Variants in SIX1 observed in about 807,000 individuals in gnomAD.
The protein encoded by SIX1 is homeobox protein SIX1.
A neutral mutation model predicts 26.5 loss-of-function variants in SIX1; 11 were observed. The observed-to-expected ratio is 0.41, with a 90% CI of 0.26 to 0.69. The LOEUF (loss-of-function observed/expected upper bound fraction) is 0.69. SIX1 is among the 30% of genes least tolerant of loss of function. SIX1 has a pLI of 0.28. For synonymous variants in SIX1, 177 were observed against 166.2 expected, an observed-to-expected ratio of 1.06 and a Z score of -0.50; for missense variants, 333 against 365.9, an observed-to-expected ratio of 0.91 and a Z score of 0.73.
At position 60,644,192 on chromosome 14, in the gene SIX1, G is replaced by A. The variant is rs939906836; in HGVS notation, c.*2091C>T. 3 of 152,218 alleles carry A rather than the reference G, an allele frequency of 2.0e-5. No individual in the cohort carries two copies. The highest frequency in any genetic ancestry group is 7.2e-5 in the African/African-American group (3 of 41,440). 9.4% of individuals were successfully genotyped at this position (152,218 alleles called of 1,614,324 possible). A position where few individuals can be genotyped will look rare whatever the true frequency, so the allele number is the denominator to read the frequency against. On this transcript the variant is annotated 3_prime_UTR_variant, in exon 2 of 2. Coordinates refer to ENST00000645694, the MANE Select transcript of SIX1 (RefSeq NM_005982.4). The stretch of plus-strand genomic sequence containing the variant: ...ATCTTTGTGCAGGGTGTTTGTTTTG[G>A]GGAGTGAATGTGAAGAATGTGAGGA...
rs1236554413 is a variant in SIX1 at position 60,649,464 on chromosome 14, T to C, written c.-275A>G. On this transcript the variant is annotated 5_prime_UTR_variant, in exon 1 of 2. Transcript: ENST00000645694. This position sits in a 1 kb window ranked among gnomAD's most constrained non-coding sequence, Gnocchi z 5.1. ...CCTCCCGCCCGGTGGATGCTGCTAG[T>C]TGCCGGGGAACTTGGTTTCTGTTCT... 2 of 395,676 alleles carry C rather than the reference T, an allele frequency of 5.1e-6. No individual in the cohort carries two copies. Among genetic ancestry groups the C allele is most frequent in the African/African-American group, 4.2e-5 (2 of 47,246 alleles). The allele number at this position is 395,676 out of a possible 1,614,324, so 24.5% of individuals were successfully genotyped here.
chr14:60,648,829 T>G lies in SIX1; in HGVS notation c.361A>C (p.Ile121Leu). Residue 121 changes from isoleucine to leucine, a missense_variant, in exon 1 of 2, where the codon ATC (isoleucine) becomes CTC (leucine). Coordinates refer to ENST00000645694, the MANE Select transcript of SIX1 (RefSeq NM_005982.4). This position sits in a 1 kb window ranked among gnomAD's most constrained non-coding sequence, Gnocchi z 7.9. ...VRRKFPLPRT[I>L]WDGEETSYCF... The stretch of plus-strand genomic sequence containing the variant: ...TAGCTGGTCTCCTCGCCGTCCCAGA[T>G]GGTGCGCGGCAGTGGAAATTTTCGG... 1 of 1,614,192 alleles carries G rather than the reference T, an allele frequency of 6.2e-7. No individual in the cohort carries two copies. Among genetic ancestry groups the G allele is most frequent in the Non-Finnish European group, 8.5e-7 (1 of 1,180,032 alleles).
chr14:60,647,880 C>T lies in SIX1; in HGVS notation c.560+750G>A, dbSNP rs1397706525. The stretch of plus-strand genomic sequence containing the variant: ...AATTTTTAAAATATTGCCTTGTGAG[C>T]TCCAGTGCGAGAGAGGGCTGCGACT... On this transcript the variant is annotated intron_variant, in intron 1 of 1. Coordinates refer to ENST00000645694, the MANE Select transcript of SIX1 (RefSeq NM_005982.4). The surrounding 1 kb of genome is among the most constrained non-coding windows in gnomAD (Gnocchi z 5.1). 1.3e-5 allele frequency among the ~76,000 whole-genome samples: 2 copies of T among 152,214 alleles called. No individual in the cohort carries two copies. Among genetic ancestry groups the T allele is most frequent in the Non-Finnish European group, 2.9e-5 (2 of 68,032 alleles).
chr14:60,649,072 A>C lies in SIX1; in HGVS notation c.118T>G (p.Cys40Gly), dbSNP rs767478646. 1 of 1,613,728 alleles carries C rather than the reference A, an allele frequency of 6.2e-7. No individual in the cohort carries two copies. The highest frequency in any genetic ancestry group is 1.1e-5 in the South Asian group (1 of 91,078). Reference sequence around the variant, plus strand: ...CTCTCGTTCTTGTGCAGGTGGTCGCAGGCGGGCAGTGACCACAGGAACCTG... The same window carrying C: ...CTCTCGTTCTTGTGCAGGTGGTCGCCGGCGGGCAGTGACCACAGGAACCTG... Reference protein sequence around the residue: ...LGRFLWSLPACDHLHKNESVL... With the variant: ...LGRFLWSLPAGDHLHKNESVL... The change falls in exon 1 of 2, where the codon TGC (cysteine) becomes GGC (glycine). Residue 40 changes from cysteine (C) to glycine (G), a missense_variant. Cys to Gly is a radical substitution (Grantham distance 159, BLOSUM62 -3). This residue lies in a region of SIX1 where 133 missense variants were observed against 131.8 expected (regional missense o/e 1.01). Coordinates refer to ENST00000645694, the MANE Select transcript of SIX1 (RefSeq NM_005982.4). The surrounding 1 kb of genome is among the most constrained non-coding windows in gnomAD (Gnocchi z 5.1).
rs1216997551 is a variant in SIX1 at position 60,649,411 on chromosome 14, G to A, written c.-222C>T. On this transcript the variant is annotated 5_prime_UTR_variant, in exon 1 of 2. Coordinates refer to ENST00000645694, the MANE Select transcript of SIX1 (RefSeq NM_005982.4). The surrounding 1 kb of genome is among the most constrained non-coding windows in gnomAD (Gnocchi z 5.1). Reference sequence around the variant, plus strand: ...GGACACGGAACGGCCGGCGCACTCAGTAGCCTTTAAGGCCTTGCTGCCTCC... The same window carrying A: ...GGACACGGAACGGCCGGCGCACTCAATAGCCTTTAAGGCCTTGCTGCCTCC... 3 of 569,750 alleles carry A rather than the reference G, an allele frequency of 5.3e-6. No homozygotes were observed. Among genetic ancestry groups the A allele is most frequent in the Non-Finnish European group, 9.4e-6 (3 of 319,950 alleles). The allele number at this position is 569,750 out of a possible 1,614,324, so 35.3% of individuals were successfully genotyped here. A position where few individuals can be genotyped will look rare whatever the true frequency, so the allele number is the denominator to read the frequency against.
rs1479289739 is a variant in SIX1, at chr14:60,648,699, G to C, written c.491C>G (p.Thr164Ser). Reference sequence around the variant, plus strand: ...AAACCAGTTGCTGACCTGGGTGGTGGTGAGGCCGGTGGCCTCGGCCAGCTC... The same window carrying C: ...AAACCAGTTGCTGACCTGGGTGGTGCTGAGGCCGGTGGCCTCGGCCAGCTC... ...KRELAEATGL[T>S]TTQVSNWFKN... The change falls in exon 1 of 2, where the codon ACC becomes AGC. Residue 164 changes from threonine to serine, a missense_variant. This residue lies in a region of SIX1 where 199 missense variants were observed against 215.2 expected (regional missense o/e 0.92). Transcript: ENST00000645694. This position sits in a 1 kb window ranked among gnomAD's most constrained non-coding sequence, Gnocchi z 7.9. The C allele has an allele frequency of 6.2e-7, 1 of 1,614,044 alleles. No individual in the cohort carries two copies. The highest frequency in any genetic ancestry group is 8.5e-7 in the Non-Finnish European group (1 of 1,179,926).
Position 60,645,543 on chromosome 14 carries a change from CAA to C in SIX1, c.*738_*739del, listed in dbSNP as rs1156795162. The C allele has an allele frequency of 6.6e-6, 1 of 150,562 alleles. No homozygotes were observed. The highest frequency in any genetic ancestry group is 1.5e-5 in the Non-Finnish European group (1 of 67,708). 9.3% of individuals were successfully genotyped at this position (150,562 alleles called of 1,614,324 possible). A position where few individuals can be genotyped will look rare whatever the true frequency, so the allele number is the denominator to read the frequency against. On this transcript the variant is annotated 3_prime_UTR_variant, in exon 2 of 2. Coordinates refer to ENST00000645694, the MANE Select transcript of SIX1 (RefSeq NM_005982.4). The surrounding 1 kb of genome is among the most constrained non-coding windows in gnomAD (Gnocchi z 4.6). ...AAAAAAAAAAACCCAAGAAAACAAACAACAACCAAAAAATCCCACTAAATTTG... is the reference window on the plus strand; with the variant it reads ...AAAAAAAAAAACCCAAGAAAACAAACCAACCAAAAAATCCCACTAAATTTG...
In SIX1 at chr14:60,649,213, G is replaced by A. The variant is rs201700039; in HGVS notation, c.-24C>T. The stretch of plus-strand genomic sequence containing the variant: ...ATGGCTGGGGCCTGCCGGGGCGCAC[G>A]GCCCAGGCGCACGCGGCAGGGAGCA... On this transcript the variant is annotated 5_prime_UTR_variant, in exon 1 of 2. Coordinates refer to ENST00000645694, the MANE Select transcript of SIX1 (RefSeq NM_005982.4). This position sits in a 1 kb window ranked among gnomAD's most constrained non-coding sequence, Gnocchi z 5.1. 5.9e-5 allele frequency: 94 copies of A among 1,598,320 alleles called. No homozygotes were observed. The East Asian group carries it at 2.0e-3, about 33-fold the overall frequency.
At position 60,646,205 on chromosome 14, in the gene SIX1, T is replaced by C; in HGVS notation, c.*78A>G. The C allele has an allele frequency of 7.2e-7, 1 of 1,391,814 alleles. No homozygotes were observed. Among genetic ancestry groups the C allele is most frequent in the Non-Finnish European group, 9.9e-7 (1 of 1,014,532 alleles). 86.2% of individuals were successfully genotyped at this position (1,391,814 alleles called of 1,614,324 possible). On this transcript the variant is annotated 3_prime_UTR_variant, in exon 2 of 2. Transcript: ENST00000645694. Reference sequence around the variant, plus strand: ...AAACAAGCTGCAAAAATGTTCCTGATTTCTATTTACAAGTGTCCCTAGTCG... The same window carrying C: ...AAACAAGCTGCAAAAATGTTCCTGACTTCTATTTACAAGTGTCCCTAGTCG...
In SIX1 at chr14:60,649,254, G is replaced by T; in HGVS notation, c.-65C>A. On this transcript the variant is annotated 5_prime_UTR_variant, in exon 1 of 2. Coordinates refer to ENST00000645694, the MANE Select transcript of SIX1 (RefSeq NM_005982.4). The surrounding 1 kb of genome is among the most constrained non-coding windows in gnomAD (Gnocchi z 5.1). The stretch of plus-strand genomic sequence containing the variant: ...GCAGGGAGCAGAGCCGAGAGGCAGG[G>T]GGCGGCGGCCGCAGGGAGGGGGGCG... The T allele has an allele frequency of 6.7e-7, 1 of 1,490,876 alleles. No individual in the cohort carries two copies. The highest frequency in any genetic ancestry group is 9.1e-7 in the Non-Finnish European group (1 of 1,099,718). The allele number at this position is 1,490,876 out of a possible 1,614,324, so 92.4% of individuals were successfully genotyped here.
chr14:60,648,941 C>A lies in SIX1; in HGVS notation c.249G>T (p.Leu83=). 1 of 1,614,224 alleles carries A rather than the reference C, an allele frequency of 6.2e-7. No individual in the cohort carries two copies. Among genetic ancestry groups the A allele is most frequent in the Non-Finnish European group, 8.5e-7 (1 of 1,180,046 alleles). Reference sequence around the variant, plus strand: ...AATGCGCCTTCAGCCACAGTTGCTGCAGTTTGGGGTGGTTGTGAGGCGAGA... The same window carrying A: ...AATGCGCCTTCAGCCACAGTTGCTGAAGTTTGGGGTGGTTGTGAGGCGAGA... ...HQFSPHNHPK[L]QQLWLKAHYV... is the part of the protein sequence containing the mutation. Residue 83 remains leucine (L), a synonymous_variant, in exon 1 of 2, where the codon CTG becomes CTT. Coordinates refer to ENST00000645694, the MANE Select transcript of SIX1 (RefSeq NM_005982.4). The surrounding 1 kb of genome is among the most constrained non-coding windows in gnomAD (Gnocchi z 7.9).
At position 60,648,626 on chromosome 14, in the gene SIX1, G is replaced by A. The variant is rs1304801827; in HGVS notation, c.560+4C>T. On this transcript the variant is annotated splice_donor_region_variant and intron_variant, in intron 1 of 1. Coordinates refer to ENST00000645694, the MANE Select transcript of SIX1 (RefSeq NM_005982.4). This position sits in a 1 kb window ranked among gnomAD's most constrained non-coding sequence, Gnocchi z 7.9. ...GCCCGAGTCGCGGGAAGCACGCCGCGTACCTTTCCTTGGCCTCCGCGGCCC... is the reference window on the plus strand; with the variant it reads ...GCCCGAGTCGCGGGAAGCACGCCGCATACCTTTCCTTGGCCTCCGCGGCCC... The A allele has an allele frequency of 4.3e-6, 7 of 1,610,342 alleles. No individual in the cohort carries two copies. Among genetic ancestry groups the A allele is most frequent in the African/African-American group, 1.3e-5 (1 of 74,828 alleles).
In SIX1 at chr14:60,647,505, G is replaced by C. The variant is rs1030878444; in HGVS notation, c.561-928C>G. Among the ~76,000 whole-genome samples, 1 of 152,182 alleles carries C rather than the reference G, an allele frequency of 6.6e-6. No individual in the cohort carries two copies. Among genetic ancestry groups the C allele is most frequent in the South Asian group, 2.1e-4 (1 of 4,826 alleles). On this transcript the variant is annotated intron_variant, in intron 1 of 1. Coordinates refer to ENST00000645694, the MANE Select transcript of SIX1 (RefSeq NM_005982.4). The surrounding 1 kb of genome is among the most constrained non-coding windows in gnomAD (Gnocchi z 5.1). ...GCTTCCGCCTTCCGAGTGCTCGTCA[G>C]TCCTCCCGACTCCTAGCGCCTGTCT...
chr14:60,646,693 G>T, intron 1 of SIX1, 116 bp from the exon 2 acceptor site: 1 of 923,030 alleles, frequency 1.1e-6, no homozygotes, highest in Non-Finnish European at 1.6e-6. Flanking sequence ...GGGCCATTGT[G>T]CAATCTGTCA....
At position 60,645,879 on chromosome 14, in the gene SIX1, T is replaced by C. The variant is rs76116881; in HGVS notation, c.*404A>G. 3,675 of 156,466 alleles carry C rather than the reference T, an allele frequency of 0.023. 146 individuals are homozygous for C. The highest frequency in any genetic ancestry group is 0.084 in the African/African-American group (3,473 of 41,550). 9.7% of individuals were successfully genotyped at this position (156,466 alleles called of 1,614,324 possible). ...TCCTTTCCCTCTTCACATTTCTCCA[T>C]ATATAAATTAAAAGGAAATAATGAA... On this transcript the variant is annotated 3_prime_UTR_variant, in exon 2 of 2. Coordinates refer to ENST00000645694, the MANE Select transcript of SIX1 (RefSeq NM_005982.4). This position sits in a 1 kb window ranked among gnomAD's most constrained non-coding sequence, Gnocchi z 4.6.
chr14:60,646,251 G>A lies in SIX1; in HGVS notation c.*32C>T, dbSNP rs2140239293. 2 of 1,604,988 alleles carry A rather than the reference G, an allele frequency of 1.2e-6. No individual in the cohort carries two copies. The highest frequency in any genetic ancestry group is 1.1e-5 in the South Asian group (1 of 90,616). ...AGTCGCTGCAGTGGTTGCTGCTCCAGGAATCCCTTCGAGGCCCCAGTCCCT... is the reference window on the plus strand; with the variant it reads ...AGTCGCTGCAGTGGTTGCTGCTCCAAGAATCCCTTCGAGGCCCCAGTCCCT... On this transcript the variant is annotated 3_prime_UTR_variant, in exon 2 of 2. Transcript: ENST00000645694.
At position 60,645,856 on chromosome 14, in the gene SIX1, C is replaced by A. The variant is rs1264137607; in HGVS notation, c.*427G>T. On this transcript the variant is annotated 3_prime_UTR_variant, in exon 2 of 2. Coordinates refer to ENST00000645694, the MANE Select transcript of SIX1 (RefSeq NM_005982.4). This position sits in a 1 kb window ranked among gnomAD's most constrained non-coding sequence, Gnocchi z 4.6. ...CCCTTTCTCTTTCTCTTTCCATTTC[C>A]TTTCCCTCTTCACATTTCTCCATAT... The A allele has an allele frequency of 6.5e-6, 1 of 153,204 alleles. No individual in the cohort carries two copies. Among genetic ancestry groups the A allele is most frequent in the Non-Finnish European group, 1.4e-5 (1 of 69,118 alleles). 9.5% of individuals were successfully genotyped at this position (153,204 alleles called of 1,614,324 possible).
rs1241276446 is a variant in SIX1, at chr14:60,648,276, C to A, written c.560+354G>T. The stretch of plus-strand genomic sequence containing the variant: ...CACCAAACCCCTTTCCTTGCGACAC[C>A]AATCAACATTTCACTGCCCGTTGAT... On this transcript the variant is annotated intron_variant, in intron 1 of 1. Transcript: ENST00000645694. The surrounding 1 kb of genome is among the most constrained non-coding windows in gnomAD (Gnocchi z 7.9). Among the ~76,000 whole-genome samples the A allele has an allele frequency of 1.3e-5, 2 of 152,150 alleles. No homozygotes were observed. The highest frequency in any genetic ancestry group is 2.9e-5 in the Non-Finnish European group (2 of 68,032).
In SIX1 at chr14:60,643,933, G is replaced by A. The variant is rs533701064; in HGVS notation, c.*2350C>T. ...GGACCAGCGCTCTTGCTCCTCGCCG[G>A]ATCTGCAGACATTTCCAAGATTCAC... On this transcript the variant is annotated 3_prime_UTR_variant, in exon 2 of 2. Coordinates refer to ENST00000645694, the MANE Select transcript of SIX1 (RefSeq NM_005982.4). 6.6e-6 allele frequency: 1 copy of A among 152,304 alleles called. No homozygotes were observed. The highest frequency in any genetic ancestry group is 2.1e-4 in the South Asian group (1 of 4,826). 9.4% of individuals were successfully genotyped at this position (152,304 alleles called of 1,614,324 possible). A position where few individuals can be genotyped will look rare whatever the true frequency, so the allele number is the denominator to read the frequency against.
Sources: allele counts gnomAD v4.1 joint callset (sites outside exome capture counted in the v4.1 genomes callset), GRCh38; gene constraint gnomAD v4.1.1; regional missense constraint gnomAD v4.1.1; non-coding constraint Gnocchi (gnomAD v3.1); transcripts MANE v1.5; gene names NCBI Gene and HGNC (gene_info 2026-07-23, HGNC 2026-07-21).